Variants in CPVL observed in about 807,000 individuals in gnomAD.
CPVL encodes the protein probable serine carboxypeptidase CPVL.
In CPVL, 51 loss-of-function variants were observed where a neutral mutation model predicts 63.7. That is an observed-to-expected ratio of 0.80 (90% CI 0.64 to 1.01). The LOEUF (loss-of-function observed/expected upper bound fraction) is 1.01, where lower values mean the gene tolerates loss of function less well. Among genes scored for constraint, CPVL ranks in the 50% least tolerant of loss-of-function variants. The pLI is 0.00. For synonymous variants in CPVL, 195 were observed against 206.0 expected (o/e 0.95, Z 0.46); for missense variants, 530 against 573.1 (o/e 0.92, Z 0.77).
chr7:29,006,218 T>C (rs779856114), intron 12 of CPVL, among the ~76,000 whole-genome samples: 7 of 152,178 alleles, frequency 4.6e-5, no homozygotes, highest in Non-Finnish European at 1.0e-4. Context: ...GTATTTACAC[T>C]ATGGAAATTG....
intron 1 of CPVL, chr7:29,195,055 G>A: frequency 4.6e-6 from 7 of 1,514,904 alleles, no homozygotes; most frequent in Non-Finnish European, 6.3e-6. Context: ...TCGCCCCGCA[G>A]CCTGGGATGG....
At chr7:29,118,382 C>T (rs1013129623) in intron 2 of CPVL, among the ~76,000 whole-genome samples, 11 of 152,202 alleles carry the variant, frequency 7.2e-5, no homozygotes, top group African/African-American at 2.4e-4. Flanking sequence ...AGCTGAAATA[C>T]GTGCATGTAA....
intron 5 of CPVL, among the ~76,000 whole-genome samples, chr7:29,172,739 G>A (rs1796764765): frequency 6.6e-6 from 1 of 151,994 alleles, no homozygotes; most frequent in Admixed American, 6.6e-5. Context: ...TGTTAATTGG[G>A]AAAGAAGTAA....
At chr7:29,126,009 T>C (rs1351102035) in intron 1 of CPVL, among the ~76,000 whole-genome samples, 1 of 152,186 alleles carries the variant, frequency 6.6e-6, no homozygotes, top group African/African-American at 2.4e-5. Context: ...TTCAGAAATA[T>C]TGAGAGTCAG....
intron 3 of CPVL, among the ~76,000 whole-genome samples, chr7:29,096,794 G>C (rs922319672): frequency 1.3e-5 from 2 of 151,884 alleles, no homozygotes; most frequent in African/African-American, 2.4e-5. Context: ...GACCAGCCTG[G>C]CCAACATAGT....
At chr7:29,180,560 T>C (rs551609364) in intron 5 of CPVL, among the ~76,000 whole-genome samples, 4 of 151,848 alleles carry the variant, frequency 2.6e-5, no homozygotes, top group African/African-American at 7.2e-5. Flanking sequence ...AAAAAAGTCA[T>C]CTAAATTGAT....
At position 29,183,965 on chromosome 7, in the gene CPVL, G is replaced by T. The variant is rs530162518; in HGVS notation, c.-134+456C>A. Among the ~76,000 whole-genome samples the T allele has an allele frequency of 2.7e-3, 409 of 152,086 alleles. 2 individuals are homozygous for T. Among genetic ancestry groups the T allele is most frequent in the African/African-American group, 9.3e-3 (387 of 41,468 alleles). ...GTTACATAGCATTTACATAGTATAGGTATTGTAAGTAATCTAGACATGATT... is the reference window on the plus strand; with the variant it reads ...GTTACATAGCATTTACATAGTATAGTTATTGTAAGTAATCTAGACATGATT... On this transcript the variant is annotated intron_variant, in intron 4 of 16. Transcript: ENST00000409850.
At chr7:29,139,768 G>A (rs1253335813) in intron 1 of CPVL, among the ~76,000 whole-genome samples, 2 of 151,966 alleles carry the variant, frequency 1.3e-5, no homozygotes, top group Non-Finnish European at 2.9e-5. Flanking sequence ...GTGTCCCAAC[G>A]GCACAGGCGG....
downstream of CPVL, among the ~76,000 whole-genome samples, chr7:28,995,020 A>AATG (rs759578013): frequency 1.3e-3 from 204 of 152,284 alleles, 1 homozygote; most frequent in Non-Finnish European, 2.2e-3. Context: ...ATATTCTAAC[A>AATG]ATGATACAAA....
intron 11 of CPVL, among the ~76,000 whole-genome samples, chr7:29,055,138 G>A (rs1790600242): frequency 6.6e-6 from 1 of 152,132 alleles, no homozygotes; most frequent in Admixed American, 6.5e-5. Context: ...GCTGTAGCCT[G>A]TTTACTTTTG....
chr7:29,074,321 T>C (rs1246273508), intron 7 of CPVL, among the ~76,000 whole-genome samples: 2 of 152,236 alleles, frequency 1.3e-5, no homozygotes, highest in Non-Finnish European at 2.9e-5. Context: ...CTTCCTTGTG[T>C]AATATAAAGG....
intron 9 of CPVL, among the ~76,000 whole-genome samples, chr7:29,068,978 C>G (rs946818202): frequency 4.0e-5 from 6 of 151,534 alleles, no homozygotes; most frequent in Non-Finnish European, 8.8e-5. Context: ...CCACTGCGCC[C>G]GGCCGAGGTG....
Position 29,089,611 on chromosome 7 carries a change from A to T in CPVL, c.542+3012T>A, listed in dbSNP as rs1785564270. 2.6e-5 allele frequency among the ~76,000 whole-genome samples: 4 copies of T among 152,150 alleles called. No homozygotes were observed. The South Asian group carries it at 8.3e-4, about 32-fold the overall frequency. On this transcript the variant is annotated intron_variant, in intron 6 of 12. Transcript: ENST00000265394. Reference sequence around the variant, plus strand: ...GTCAGTTTACCATTGTGATGGCAACACCCAGGCGTTACCACCCCTTTCCAT... The same window carrying T: ...GTCAGTTTACCATTGTGATGGCAACTCCCAGGCGTTACCACCCCTTTCCAT...
intron 6 of CPVL, among the ~76,000 whole-genome samples, 185 bp from the exon 7 acceptor site, chr7:29,086,735 T>C (rs1471783660): frequency 6.6e-6 from 1 of 152,202 alleles, no homozygotes; most frequent in African/African-American, 2.4e-5. Context: ...TTTGTGATAA[T>C]AAGAAGTTTG....
intron 3 of CPVL, among the ~76,000 whole-genome samples, chr7:29,109,030 T>C (rs892317320): frequency 5.3e-5 from 8 of 152,322 alleles, no homozygotes; most frequent in Non-Finnish European, 1.2e-4. Flanking sequence ...ATCTATAAAA[T>C]GAGGATAACA....
At chr7:29,076,061 G>A (rs896602357) in intron 7 of CPVL, among the ~76,000 whole-genome samples, 3 of 138,516 alleles carry the variant, frequency 2.2e-5, no homozygotes, top group Middle Eastern at 4.4e-3. Context: ...AAGACAACCA[G>A]GTAATAAATC....
At chr7:29,142,846 G>A (rs1177806269) in intron 1 of CPVL, among the ~76,000 whole-genome samples, 3 of 152,040 alleles carry the variant, frequency 2.0e-5, no homozygotes, top group Non-Finnish European at 1.5e-5. Context: ...TCTTAATGAT[G>A]CTCCCTTATA....
At chr7:29,184,151 TGATA>T (rs56102038) in intron 4 of CPVL, among the ~76,000 whole-genome samples, 24,857 of 143,210 alleles carry the variant, frequency 0.17, 2,101 homozygotes, top group East Asian at 0.23. Flanking sequence ...TACAGATAGA[TGATA>T]GATAGATAGA....
intron 5 of CPVL, chr7:29,181,252 G>A (rs1423780941): frequency 6.6e-6 from 1 of 152,100 alleles, no homozygotes; most frequent in Non-Finnish European, 1.5e-5. Flanking sequence ...TTTGACCAAG[G>A]CTTCAGCTAT....
Sources: gnomAD v4.1 joint callset for allele counts (sites outside exome capture counted in the v4.1 genomes callset) on GRCh38, gnomAD v4.1.1 for gene constraint, MANE v1.5 for transcripts, NCBI Gene and HGNC (gene_info 2026-07-23, HGNC 2026-07-21) for gene names.